The following PPP1R37 variants were observed in gnomAD, a reference collection of about 807,000 sequenced individuals.
PPP1R37 encodes the protein protein phosphatase 1 regulatory subunit 37, also known as leucine rich repeat containing 68.
A neutral mutation model predicts 61.0 loss-of-function variants in PPP1R37; 21 were observed. The ratio of observed to expected loss-of-function variants is 0.34; its 90% CI spans 0.24 to 0.50. The LOEUF (loss-of-function observed/expected upper bound fraction) is 0.50, where lower values mean the gene tolerates loss of function less well. PPP1R37 is among the 20% of genes least tolerant of loss of function. PPP1R37 has a pLI of 0.98. For missense variants in PPP1R37, 910 were observed against 952.7 expected (o/e 0.96, Z 0.59); for synonymous variants, 443 against 433.5 (o/e 1.02, Z -0.27).
chr19:45,132,746 T>C (rs1474237169), intron 1 of PPP1R37, among the ~76,000 whole-genome samples: 2 of 152,118 alleles, frequency 1.3e-5, no homozygotes, highest in Admixed American at 6.5e-5. Context: ...TTTTTTAGTT[T>C]TTTGTAGAGA....
Position 45,142,381 on chromosome 19 carries a change from C to T in PPP1R37, c.797C>T (p.Ala266Val). 6.5e-7 allele frequency: 1 copy of T among 1,536,110 alleles called. No homozygotes were observed. Among genetic ancestry groups the T allele is most frequent in the Non-Finnish European group, 8.7e-7 (1 of 1,146,914 alleles). ...DNKLNGLQDS[A>V]QLGNLLKFNC... is the part of the protein sequence containing the mutation. ...AAGCTCAACGGCCTGCAGGACTCGG[C>T]CCAGCTGGGTAACCTGCTCAAGTTC... The change falls in exon 7 of 13, where the codon GCC becomes GTC. Residue 266 changes from alanine (A) to valine (V), a missense_variant. Transcript: ENST00000221462.
chr19:45,098,140 G>T (rs540151677), intron 1 of PPP1R37, among the ~76,000 whole-genome samples: 6 of 151,872 alleles, frequency 4.0e-5, no homozygotes, highest in Non-Finnish European at 8.8e-5. Context: ...GGGAAGCTCG[G>T]GGAGGAGGCA....
chr19:45,104,705 A>G (rs1599690552), intron 1 of PPP1R37, among the ~76,000 whole-genome samples: 1 of 151,762 alleles, frequency 6.6e-6, no homozygotes, highest in South Asian at 2.1e-4. Flanking sequence ...CCTCTGATCT[A>G]GTGTCCCTGC....
chr19:45,113,127 C>T (rs10415674), intron 1 of PPP1R37, among the ~76,000 whole-genome samples: 4,700 of 152,290 alleles, frequency 0.031, 252 homozygotes, highest in African/African-American at 0.11. Context: ...CTGGCAGGGT[C>T]CTCACAGAGA....
chr19:45,116,120 G>A (rs1304601151), intron 1 of PPP1R37, among the ~76,000 whole-genome samples: 1 of 152,208 alleles, frequency 6.6e-6, no homozygotes, highest in East Asian at 1.9e-4. Flanking sequence ...TGTGTGAGGC[G>A]CTGTGGCATG....
At chr19:45,139,113 C>T (rs920788677) in intron 2 of PPP1R37, among the ~76,000 whole-genome samples, 2 of 151,750 alleles carry the variant, frequency 1.3e-5, no homozygotes, top group East Asian at 1.9e-4. Flanking sequence ...GACGGGGTTT[C>T]GCCATGTTGG....
intron 1 of PPP1R37, among the ~76,000 whole-genome samples, chr19:45,096,351 T>C (rs75339993): frequency 0.11 from 16,898 of 152,140 alleles, 1,307 homozygotes; most frequent in Non-Finnish European, 0.17. Context: ...GGGTAAAGTT[T>C]CTGGTCTGCA....
At chr19:45,120,167 G>A (rs538926210) in intron 1 of PPP1R37, among the ~76,000 whole-genome samples, 99 of 151,890 alleles carry the variant, frequency 6.5e-4, no homozygotes, top group Admixed American at 5.1e-3. Flanking sequence ...ACAGGTGCCC[G>A]CCACCACGCC....
intron 11 of PPP1R37, 36 bp from the exon 12 acceptor site, chr19:45,146,354 C>A (rs1468975412): frequency 1.3e-6 from 2 of 1,526,064 alleles, no homozygotes; most frequent in South Asian, 1.2e-5. Flanking sequence ...TTGCCCCACC[C>A]GCCTGACGGG....
At chr19:45,143,388 G>A in intron 7 of PPP1R37, 133 bp from the exon 8 acceptor site, 1 of 590,374 alleles carries the variant, frequency 1.7e-6, no homozygotes, top group Non-Finnish European at 3.0e-6. Flanking sequence ...CCGAGGCAGG[G>A]CTGCAGGGCA....
intron 1 of PPP1R37, among the ~76,000 whole-genome samples, chr19:45,112,586 A>G (rs1968215309): frequency 6.6e-6 from 1 of 152,208 alleles, no homozygotes; most frequent in African/African-American, 2.4e-5. Context: ...CAAGACTCAC[A>G]GTCCCTGCCC....
chr19:45,128,428 T>TG, intron 1 of PPP1R37: 1 of 505,290 alleles, frequency 2.0e-6, no homozygotes. Context: ...TTGTGATGCC[T>TG]GCAGCTGTGT....
chr19:45,118,107 G>T (rs977410032), intron 1 of PPP1R37, among the ~76,000 whole-genome samples: 1 of 152,210 alleles, frequency 6.6e-6, no homozygotes, highest in African/African-American at 2.4e-5. Context: ...AGAAGTCCCC[G>T]CCTGGGCTTC....
chr19:45,094,831 T>C (rs558256460), intron 1 of PPP1R37, among the ~76,000 whole-genome samples: 1 of 151,564 alleles, frequency 6.6e-6, no homozygotes, highest in Admixed American at 6.6e-5. Context: ...ACTTGAAGTG[T>C]TGGGAGAGAG....
rs1276778526 is a variant in PPP1R37, at chr19:45,141,234, T to C, written c.448-88T>C. Reference sequence around the variant, plus strand: ...CTCTCTCCAGACCCTGGACCCATCGTCTCTCGGTGGGGCCCGGTGTCAGGG... The same window carrying C: ...CTCTCTCCAGACCCTGGACCCATCGCCTCTCGGTGGGGCCCGGTGTCAGGG... On this transcript the variant is annotated intron_variant, in intron 4 of 12. Transcript: ENST00000221462. 13 of 1,414,120 alleles carry C rather than the reference T, an allele frequency of 9.2e-6. No individual in the cohort carries two copies. The East Asian group carries it at 3.0e-4, about 33-fold the overall frequency. The allele number at this position is 1,414,120 out of a possible 1,614,324, so 87.6% of individuals were successfully genotyped here.
In PPP1R37 at chr19:45,146,593, C is replaced by T. The variant is rs1008534302; in HGVS notation, c.*31C>T. On this transcript the variant is annotated 3_prime_UTR_variant, in exon 13 of 13. Transcript: ENST00000221462. ...AAGTTCCCTTTTTCCGGTCGGTCTG[C>T]GATGAGCTGAGGCCAGAGCCATGAG... The T allele has an allele frequency of 6.7e-6, 5 of 746,980 alleles. No homozygotes were observed. Among genetic ancestry groups the T allele is most frequent in the South Asian group, 1.7e-5 (1 of 58,818 alleles). The allele number at this position is 746,980 out of a possible 1,614,324, so 46.3% of individuals were successfully genotyped here.
At chr19:45,095,695 C>G (rs951878261) in intron 1 of PPP1R37, among the ~76,000 whole-genome samples, 1 of 147,178 alleles carries the variant, frequency 6.8e-6, no homozygotes, top group Non-Finnish European at 1.5e-5. Flanking sequence ...CCCAGGAGGT[C>G]GATAGTGCAG....
intron 1 of PPP1R37, among the ~76,000 whole-genome samples, chr19:45,117,985 G>T (rs768508456): frequency 2.6e-5 from 4 of 152,226 alleles, no homozygotes; most frequent in African/African-American, 7.2e-5. Flanking sequence ...GAGGCTGTTG[G>T]GGGTGGAGGT....
chr19:45,114,510 G>A (rs1308702213), intron 1 of PPP1R37, among the ~76,000 whole-genome samples: 1 of 152,210 alleles, frequency 6.6e-6, no homozygotes, highest in East Asian at 1.9e-4. Context: ...TCAAATGGGC[G>A]ATAGAGGGCC....
Sources: allele counts gnomAD v4.1 joint callset (sites outside exome capture counted in the v4.1 genomes callset), GRCh38; gene constraint gnomAD v4.1.1; transcripts MANE v1.5; gene names NCBI Gene and HGNC (gene_info 2026-07-23, HGNC 2026-07-21).